CADM1: variants seen among roughly 807,000 people sequenced by gnomAD.
The protein encoded by CADM1 is cell adhesion molecule 1.
A neutral mutation model predicts 53.1 loss-of-function variants in CADM1; 15 were observed. The ratio of observed to expected loss-of-function variants is 0.28; its 90% CI spans 0.19 to 0.44. The LOEUF is 0.44. Ranked by LOEUF, CADM1 falls within the 20% of genes least tolerant of loss-of-function variation. CADM1 has a pLI of 1.00. For synonymous variants in CADM1, 281 were observed against 243.0 expected (o/e 1.16, Z -1.45); for missense variants, 434 against 611.3 (o/e 0.71, Z 3.06).
chr11:115,474,152 G>T (rs560980471), intron 1 of CADM1, among the ~76,000 whole-genome samples: 1 of 151,436 alleles, frequency 6.6e-6, no homozygotes, highest in Admixed American at 6.6e-5. Context: ...AAATACAGGC[G>T]TGGTGGTGGG....
intron 5 of CADM1, among the ~76,000 whole-genome samples, chr11:115,223,143 A>G (rs1327986522): frequency 6.6e-6 from 1 of 152,222 alleles, no homozygotes; most frequent in East Asian, 1.9e-4. Flanking sequence ...CTGATTAAAA[A>G]ATAAATAAAA....
Position 115,490,392 on chromosome 11 carries a change from ATTTTTT to A in CADM1, c.124+13873_124+13878del, listed in dbSNP as rs35633504. Among the ~76,000 whole-genome samples the A allele has an allele frequency of 3.2e-4, 35 of 109,308 alleles. No individual in the cohort carries two copies. The East Asian group carries it at 8.0e-3, about 25-fold the overall frequency. The allele number at this position is 109,308 out of a possible 152,430, so 71.7% of individuals were successfully genotyped here. A position where few individuals can be genotyped will look rare whatever the true frequency, so the allele number is the denominator to read the frequency against. ...ATAGAGGGAGATGTGGGAAGAACAG[ATTTTTT>A]TTTTTTTTTTTTTTTTTTGAGACAG... On this transcript the variant is annotated intron_variant, in intron 1 of 11. Coordinates refer to ENST00000331581, the MANE Select transcript of CADM1 (RefSeq NM_001301043.2).
At chr11:115,233,616 A>T (rs931457964) in intron 3 of CADM1, among the ~76,000 whole-genome samples, 1 of 152,204 alleles carries the variant, frequency 6.6e-6, no homozygotes, top group East Asian at 1.9e-4. Context: ...GGAAAAGCCT[A>T]AAGAAAATAA....
chr11:115,188,897 GGTT>G (rs200310669), intron 10 of CADM1, among the ~76,000 whole-genome samples: 3,030 of 122,644 alleles, frequency 0.025, 109 homozygotes, highest in Admixed American at 0.092. Context: ...AATTTTTATT[GGTT>G]GTTTTTTTTT....
intron 1 of CADM1, among the ~76,000 whole-genome samples, chr11:115,331,873 C>CTTTTTTTTTTTT (rs141722707): frequency 6.8e-6 from 1 of 146,834 alleles, no homozygotes; most frequent in African/African-American, 2.6e-5. Flanking sequence ...AAATATAGAC[C>CTTTTTTTTTTTT]TTTTTTTTTG....
intron 1 of CADM1, among the ~76,000 whole-genome samples, chr11:115,324,459 C>T (rs1410665170): frequency 1.3e-5 from 2 of 152,100 alleles, no homozygotes; most frequent in African/African-American, 4.8e-5. Flanking sequence ...ATGCTATATA[C>T]TACAGAGCCC....
chr11:115,291,804 T>C lies in CADM1; in HGVS notation c.125-51384A>G, dbSNP rs181148342. Among the ~76,000 whole-genome samples, 182 of 152,084 alleles carry C rather than the reference T, an allele frequency of 1.2e-3. 1 individual carries two copies. Among genetic ancestry groups the C allele is most frequent in the African/African-American group, 4.1e-3 (172 of 41,468 alleles). On this transcript the variant is annotated intron_variant, in intron 1 of 11. Transcript: ENST00000331581. Reference sequence around the variant, plus strand: ...ATACAGTACTACACAGTCAGAGAAATCTTATAAAACCTGTGACCTGCAGCA... The same window carrying C: ...ATACAGTACTACACAGTCAGAGAAACCTTATAAAACCTGTGACCTGCAGCA...
At chr11:115,328,138 T>A (rs1945008692) in intron 1 of CADM1, among the ~76,000 whole-genome samples, 1 of 151,230 alleles carries the variant, frequency 6.6e-6, no homozygotes, top group African/African-American at 2.4e-5. Context: ...GACCTCCGAT[T>A]TTTTTTTTAT....
At position 115,231,986 on chromosome 11, in the gene CADM1, C is replaced by CAATAAT. The variant is rs34209440; in HGVS notation, c.425-502_425-497dup. 4.2e-3 allele frequency among the ~76,000 whole-genome samples: 620 copies of CAATAAT among 148,420 alleles called. 3 individuals carry two copies. Among genetic ancestry groups the CAATAAT allele is most frequent in the African/African-American group, 0.011 (431 of 39,744 alleles). ...GGGCAACAAGAGCGAAACTCCGTCTCAATAATAATAATAATAATAATAATA... is the reference window on the plus strand; with the variant it reads ...GGGCAACAAGAGCGAAACTCCGTCTCAATAATAATAATAATAATAATAATAATAATA... On this transcript the variant is annotated intron_variant, in intron 3 of 11. Coordinates refer to ENST00000331581, the MANE Select transcript of CADM1 (RefSeq NM_001301043.2).
At chr11:115,253,572 G>A (rs1000874622) in intron 1 of CADM1, among the ~76,000 whole-genome samples, 3 of 152,028 alleles carry the variant, frequency 2.0e-5, no homozygotes, top group Non-Finnish European at 2.9e-5. Flanking sequence ...GATATTCTTA[G>A]GTAAAAATAT....
rs190216174 is a variant in CADM1, at chr11:115,382,509, C to T, written c.124+121762G>A. Among the ~76,000 whole-genome samples the T allele has an allele frequency of 3.8e-4, 58 of 152,202 alleles. 1 individual carries two copies. The South Asian group carries it at 4.2e-3, about 11-fold the overall frequency. ...GTGCTAAAAGTCCCTCTCTTCTTGG[C>T]TCTTTTAACATGTATCACATATAAA... On this transcript the variant is annotated intron_variant, in intron 1 of 11. Transcript: ENST00000331581.
At chr11:115,392,043 G>A (rs1051104437) in intron 1 of CADM1, among the ~76,000 whole-genome samples, 3 of 152,010 alleles carry the variant, frequency 2.0e-5, no homozygotes, top group African/African-American at 4.8e-5. Context: ...ACAACAAGTC[G>A]TTTCTGTTCA....
intron 1 of CADM1, among the ~76,000 whole-genome samples, chr11:115,414,054 T>G (rs914531246): frequency 2.0e-5 from 3 of 152,102 alleles, no homozygotes; most frequent in Non-Finnish European, 2.9e-5. Flanking sequence ...ACTGCTTAAA[T>G]AAGTATATAC....
At chr11:115,313,699 G>A (rs1212885755) in intron 1 of CADM1, among the ~76,000 whole-genome samples, 6 of 152,236 alleles carry the variant, frequency 3.9e-5, no homozygotes, top group East Asian at 3.9e-4. Context: ...TCAGCCAGGC[G>A]ACTAAGTTCT....
At chr11:115,238,255 C>T (rs781484604) in intron 3 of CADM1, among the ~76,000 whole-genome samples, 1 of 152,168 alleles carries the variant, frequency 6.6e-6, no homozygotes, top group Non-Finnish European at 1.5e-5. Flanking sequence ...TCTAAATTCT[C>T]TTGATCTTTG....
At chr11:115,464,402 C>T (rs1289131688) in intron 1 of CADM1, among the ~76,000 whole-genome samples, 1 of 152,154 alleles carries the variant, frequency 6.6e-6, no homozygotes, top group East Asian at 1.9e-4. Flanking sequence ...GTGTACTGCA[C>T]GTTGGAGACA....
At chr11:115,248,556 A>C (rs1034262404) in intron 1 of CADM1, among the ~76,000 whole-genome samples, 1 of 152,246 alleles carries the variant, frequency 6.6e-6, no homozygotes, top group Non-Finnish European at 1.5e-5. Flanking sequence ...ATGGCAAAAA[A>C]AGAAACAGGA....
Position 115,174,367 on chromosome 11 carries a change from A to G in CADM1, c.*2107T>C, listed in dbSNP as rs1345271781. ...TGCTAAATGATTCTCACCCTTTGATATGATTATACTATGGTCGGAATGGGT... is the reference window on the plus strand; with the variant it reads ...TGCTAAATGATTCTCACCCTTTGATGTGATTATACTATGGTCGGAATGGGT... On this transcript the variant is annotated 3_prime_UTR_variant, in exon 12 of 12. Coordinates refer to ENST00000331581, the MANE Select transcript of CADM1 (RefSeq NM_001301043.2). The G allele has an allele frequency of 4.1e-6, 4 of 985,436 alleles. No individual in the cohort carries two copies. The highest frequency in any genetic ancestry group is 2.3e-4 in the East Asian group (2 of 8,816). The allele number at this position is 985,436 out of a possible 1,614,324, so 61.0% of individuals were successfully genotyped here. A position where few individuals can be genotyped will look rare whatever the true frequency, so the allele number is the denominator to read the frequency against.
chr11:115,247,908 A>G (rs1942458363), intron 1 of CADM1, among the ~76,000 whole-genome samples: 1 of 152,222 alleles, frequency 6.6e-6, no homozygotes, highest in African/African-American at 2.4e-5. Flanking sequence ...GTTTTAAAAC[A>G]CTTACTGGAA....
Sources: allele counts gnomAD v4.1 joint callset (sites outside exome capture counted in the v4.1 genomes callset), GRCh38; gene constraint gnomAD v4.1.1; transcripts MANE v1.5; gene names NCBI Gene and HGNC (gene_info 2026-07-23, HGNC 2026-07-21).